Variants in PI4K2B observed in about 807,000 individuals in gnomAD.
PI4K2B encodes phosphatidylinositol 4-kinase type 2-beta.
Under a neutral mutation model 56.6 loss-of-function variants are expected in PI4K2B, and 46 were observed. That is an observed-to-expected ratio of 0.81 (90% CI 0.64 to 1.04). The LOEUF (loss-of-function observed/expected upper bound fraction) is 1.04. Ranked by LOEUF, PI4K2B falls within the 50% of genes least tolerant of loss-of-function variation. The probability of loss-of-function intolerance (pLI) is 0.00; values close to 1 mark genes in which losing one functional copy is unlikely to be tolerated. For synonymous variants in PI4K2B, 211 were observed against 223.8 expected (o/e 0.94, Z 0.51); for missense variants, 556 against 607.7 (o/e 0.91, Z 0.89).
intron 7 of PI4K2B, among the ~76,000 whole-genome samples, chr4:25,266,446 TAA>T (rs1716666352): frequency 6.6e-6 from 1 of 152,248 alleles, no homozygotes; most frequent in Non-Finnish European, 1.5e-5. Flanking sequence ...CTTTGTAGTT[TAA>T]GTCTCAATAA....
chr4:25,255,365 G>A (rs769438862), intron 3 of PI4K2B, 100 bp downstream of exon 3: 1 of 1,054,578 alleles, frequency 9.5e-7, no homozygotes, highest in Non-Finnish European at 1.4e-6. Context: ...CTAAAGTGGA[G>A]CCCCTTTTTT....
chr4:25,241,229 C>G (rs1328553910), intron 1 of PI4K2B, among the ~76,000 whole-genome samples: 1 of 152,236 alleles, frequency 6.6e-6, no homozygotes, highest in African/African-American at 2.4e-5. Flanking sequence ...AGTTCTAAGG[C>G]TCTGGTAAGT....
chr4:25,254,798 G>T (rs1445057739), intron 2 of PI4K2B, among the ~76,000 whole-genome samples: 3 of 152,156 alleles, frequency 2.0e-5, no homozygotes, highest in Non-Finnish European at 4.4e-5. Flanking sequence ...TGGGGTCTTG[G>T]AGCCTTGCCC....
intron 2 of PI4K2B, among the ~76,000 whole-genome samples, chr4:25,253,311 T>C: frequency 6.6e-6 from 1 of 152,230 alleles, no homozygotes; most frequent in Non-Finnish European, 1.5e-5. Flanking sequence ...ATGTGGCACT[T>C]TGCTCCACTT....
chr4:25,254,027 TG>T (rs752887248), intron 2 of PI4K2B, among the ~76,000 whole-genome samples: 40 of 152,262 alleles, frequency 2.6e-4, no homozygotes, highest in Admixed American at 4.6e-4. Context: ...CCCAAAGTGC[TG>T]GGATTACAGG....
chr4:25,264,411 G>A (rs548505949), intron 7 of PI4K2B, among the ~76,000 whole-genome samples: 3 of 152,140 alleles, frequency 2.0e-5, no homozygotes, highest in Admixed American at 6.5e-5. Context: ...CCCTCTGTGC[G>A]TATTGAGTAT....
At chr4:25,255,394 A>G in intron 3 of PI4K2B, 129 bp downstream of exon 3, 1 of 697,216 alleles carries the variant, frequency 1.4e-6, no homozygotes, top group Non-Finnish European at 2.4e-6. Context: ...TCCAAGAGTC[A>G]TGAGTGACTG....
In PI4K2B at chr4:25,234,277, GC is replaced by G. The variant is rs1715136226; in HGVS notation, c.115del (p.Arg39GlyfsTer9). On this transcript the variant is annotated frameshift_variant, in exon 1 of 10. Transcript: ENST00000264864. LOFTEE classifies it high-confidence loss of function. ...TACCGCGGATCGCCTGGGCCCACCC[GC>G]GGAGAGGCGCCCCAGGCAGCGCCGT... Reference protein sequence around the residue: ...LLPRIAWAHPRRGAPGSAVRL... With the variant: ...LLPRIAWAHPXRGAPGSAVRL... The G allele has an allele frequency of 4.2e-6, 6 of 1,421,376 alleles. No homozygotes were observed. Among genetic ancestry groups the G allele is most frequent in the Non-Finnish European group, 5.5e-6 (6 of 1,083,618 alleles). 88.0% of individuals were successfully genotyped at this position (1,421,376 alleles called of 1,614,324 possible).
At chr4:25,276,990 T>TA (rs1413707653) in intron 9 of PI4K2B, 24 bp from the exon 10 acceptor site, 1 of 1,496,740 alleles carries the variant, frequency 6.7e-7, no homozygotes, top group Non-Finnish European at 9.0e-7. Context: ...TTTAAATTGG[T>TA]AAAAATCTCT....
intron 9 of PI4K2B, chr4:25,276,555 C>T: frequency 1.5e-6 from 1 of 663,316 alleles, no homozygotes; most frequent in African/African-American, 2.0e-5. Context: ...TATTGTATCC[C>T]TAGCACTTAC....
intron 9 of PI4K2B, among the ~76,000 whole-genome samples, chr4:25,273,695 G>A (rs538360061): frequency 9.3e-4 from 142 of 152,324 alleles, no homozygotes; most frequent in Non-Finnish European, 1.9e-3. Context: ...GACATTCTAA[G>A]TTGACCTTCC....
intron 1 of PI4K2B, chr4:25,250,530 C>T: frequency 6.6e-6 from 1 of 152,174 alleles, no homozygotes; most frequent in East Asian, 1.9e-4. Flanking sequence ...TGGGTGATTG[C>T]TTAATACCTG....
At chr4:25,246,663 A>G (rs562798762) in intron 1 of PI4K2B, among the ~76,000 whole-genome samples, 180 of 152,316 alleles carry the variant, frequency 1.2e-3, no homozygotes, top group African/African-American at 4.1e-3. Flanking sequence ...ACCAGGCACC[A>G]TGGAGCAGAG....
At chr4:25,272,878 A>AT (rs1716952479) in intron 9 of PI4K2B, among the ~76,000 whole-genome samples, 1 of 151,942 alleles carries the variant, frequency 6.6e-6, no homozygotes, top group Admixed American at 6.6e-5. Flanking sequence ...AAAAAAAAAA[A>AT]TTTACCTATA....
intron 1 of PI4K2B, among the ~76,000 whole-genome samples, 173 bp downstream of exon 1, chr4:25,234,604 A>G (rs1265242360): frequency 3.3e-5 from 5 of 152,196 alleles, no homozygotes; most frequent in Non-Finnish European, 7.4e-5. Context: ...GCGGGCACCT[A>G]GCTTGCTCGC....
chr4:25,268,651 T>C, intron 8 of PI4K2B, 75 bp downstream of exon 8: 1 of 1,050,370 alleles, frequency 9.5e-7, no homozygotes, highest in Non-Finnish European at 1.4e-6. Flanking sequence ...TAGAGCTGAT[T>C]TGCAATTTTC....
At position 25,260,519 on chromosome 4, in the gene PI4K2B, GA is replaced by G; in HGVS notation, c.911-2del. The stretch of plus-strand genomic sequence containing the variant: ...AGTAACAGATTTTCTTGTTTGTTTT[GA>G]AAGACAGGGGCAATGATAATTGGTT... On this transcript the variant is annotated splice_region_variant and splice_polypyrimidine_tract_variant and intron_variant, in intron 5 of 9. Coordinates refer to ENST00000264864, the MANE Select transcript of PI4K2B (RefSeq NM_018323.4). The G allele has an allele frequency of 7.2e-7, 1 of 1,383,064 alleles. No homozygotes were observed. The highest frequency in any genetic ancestry group is 9.7e-7 in the Non-Finnish European group (1 of 1,032,688). 85.7% of individuals were successfully genotyped at this position (1,383,064 alleles called of 1,614,324 possible).
At chr4:25,239,816 C>A (rs1192002427) in intron 1 of PI4K2B, among the ~76,000 whole-genome samples, 1 of 152,240 alleles carries the variant, frequency 6.6e-6, no homozygotes, top group African/African-American at 2.4e-5. Context: ...CTAAACAGGA[C>A]ACCCCAACTG....
At chr4:25,236,128 T>C (rs1715249794) in intron 1 of PI4K2B, among the ~76,000 whole-genome samples, 1 of 152,020 alleles carries the variant, frequency 6.6e-6, no homozygotes, top group Non-Finnish European at 1.5e-5. Context: ...TTTGCTAAGA[T>C]CTTTTTTAAA....
Sources: allele counts gnomAD v4.1 joint callset (sites outside exome capture counted in the v4.1 genomes callset), GRCh38; gene constraint gnomAD v4.1.1; transcripts MANE v1.5; gene names NCBI Gene and HGNC (gene_info 2026-07-23, HGNC 2026-07-21).